The following TRPM7 variants were observed in gnomAD, a reference collection of about 807,000 sequenced individuals.
TRPM7 encodes the protein LTRPC ion channel family member 7.
TRPM7 carries 134 observed loss-of-function variants against 229.7 expected under a neutral mutation model. The ratio of observed to expected loss-of-function variants is 0.58; its 90% CI spans 0.51 to 0.67. TRPM7 has a LOEUF of 0.67. TRPM7 is among the 30% of genes least tolerant of loss of function. TRPM7 has a pLI of 0.00. For missense variants in TRPM7, 1,901 were observed against 2,210.0 expected, an observed-to-expected ratio of 0.86 and a Z score of 2.80; for synonymous variants, 699 against 715.2, an observed-to-expected ratio of 0.98 and a Z score of 0.36.
At chr15:50,593,123 T>C (rs1444409781) in intron 25 of TRPM7, among the ~76,000 whole-genome samples, 2 of 151,948 alleles carry the variant, frequency 1.3e-5, no homozygotes, top group Non-Finnish European at 2.9e-5. Flanking sequence ...ACCCTGTCTC[T>C]ACTAAAAATA....
chr15:50,636,029 T>C (rs1239976269), intron 7 of TRPM7, among the ~76,000 whole-genome samples: 1 of 151,332 alleles, frequency 6.6e-6, no homozygotes, highest in African/African-American at 2.4e-5. Flanking sequence ...ATGACAGAAT[T>C]ACATAACTGG....
chr15:50,651,219 A>C (rs1363025192), intron 3 of TRPM7, among the ~76,000 whole-genome samples: 1 of 151,034 alleles, frequency 6.6e-6, no homozygotes, highest in Non-Finnish European at 1.5e-5. Context: ...TTCAAAGAAT[A>C]CTGAGGCATG....
intron 4 of TRPM7, among the ~76,000 whole-genome samples, chr15:50,644,815 A>G (rs1354179676): frequency 7.0e-6 from 1 of 141,940 alleles, no homozygotes; most frequent in Non-Finnish European, 1.6e-5. Flanking sequence ...AAAAAAAAAA[A>G]AAAAAAAGAA....
At chr15:50,644,178 G>A (rs1457387057) in intron 4 of TRPM7, among the ~76,000 whole-genome samples, 2 of 152,006 alleles carry the variant, frequency 1.3e-5, no homozygotes, top group Admixed American at 1.3e-4. Context: ...CATGGTGTTC[G>A]GATGGATTCT....
chr15:50,628,181 T>A lies in TRPM7; in HGVS notation c.1273A>T (p.Asn425Tyr). ...LAWDRVDIAK[N>Y]HVFVYGQQWL... ...TGCTGTCCATAAACAAATACATGAT[T>A]TTTGGCAATGTCAACTCTATCCCAT... is the stretch of plus-strand genomic sequence containing the variant. The change falls in exon 11 of 39, where the codon AAT (asparagine) becomes TAT (tyrosine). Residue 425 changes from asparagine to tyrosine, a missense_variant. This residue lies in a region of TRPM7 where 794 missense variants were observed against 881.9 expected (regional missense o/e 0.90). Transcript: ENST00000646667. 6.2e-7 allele frequency: 1 copy of A among 1,613,458 alleles called. No individual in the cohort carries two copies. Among genetic ancestry groups the A allele is most frequent in the South Asian group, 1.1e-5 (1 of 91,034 alleles).
chr15:50,669,118 G>T (rs1329026358), intron 1 of TRPM7, among the ~76,000 whole-genome samples: 1 of 152,144 alleles, frequency 6.6e-6, no homozygotes, highest in Non-Finnish European at 1.5e-5. Context: ...AAAGGTATTT[G>T]AGGGTACAAA....
intron 4 of TRPM7, among the ~76,000 whole-genome samples, chr15:50,646,494 G>C (rs184245515): frequency 1.3e-5 from 2 of 152,078 alleles, no homozygotes; most frequent in Non-Finnish European, 2.9e-5. Flanking sequence ...ATGTTGCCCA[G>C]GCTGGTCTCA....
At chr15:50,625,628 T>C (rs913774071) in intron 11 of TRPM7, among the ~76,000 whole-genome samples, 13 of 152,042 alleles carry the variant, frequency 8.6e-5, no homozygotes, top group African/African-American at 1.9e-4. Flanking sequence ...CTCAAACTCC[T>C]GGCCTCAAGT....
chr15:50,666,163 G>A, intron 1 of TRPM7, among the ~76,000 whole-genome samples: 1 of 151,900 alleles, frequency 6.6e-6, no homozygotes. Flanking sequence ...TTGGTTCTTA[G>A]GTTAACAAAA....
At chr15:50,631,526 AT>A (rs1218963773) in intron 9 of TRPM7, 37 bp from the exon 10 acceptor site, 1 of 1,419,690 alleles carries the variant, frequency 7.0e-7, no homozygotes, top group East Asian at 2.3e-5. Context: ...ATGCCTTTAT[AT>A]TTTTAAAACA....
chr15:50,656,499 CT>C (rs75557468), intron 3 of TRPM7, among the ~76,000 whole-genome samples: 17,028 of 133,398 alleles, frequency 0.13, 1,207 homozygotes, highest in Admixed American at 0.25. Flanking sequence ...GTGTGGTTTT[CT>C]TTTTTTTTTT....
chr15:50,679,538 A>ATTTTTTTTTTTTTTTTT (rs58783893), intron 1 of TRPM7, among the ~76,000 whole-genome samples: 1 of 43,900 alleles, frequency 2.3e-5, no homozygotes, highest in African/African-American at 1.1e-4. Flanking sequence ...ATATATATAT[A>ATTTTTTTTTTTTTTTTT]TTTTTTTTTT....
At chr15:50,663,541 T>C (rs549076261) in intron 1 of TRPM7, among the ~76,000 whole-genome samples, 2 of 152,304 alleles carry the variant, frequency 1.3e-5, no homozygotes, top group East Asian at 3.9e-4. Flanking sequence ...TGACCTAGGT[T>C]ATTAAATCAA....
intron 26 of TRPM7, among the ~76,000 whole-genome samples, chr15:50,591,172 C>CA (rs2059482313): frequency 6.6e-6 from 1 of 152,108 alleles, no homozygotes; most frequent in African/African-American, 2.4e-5. Context: ...CTAATTTTCC[C>CA]AGTAGATTCC....
In TRPM7 at chr15:50,574,941, G is replaced by C. The variant is rs746922502; in HGVS notation, c.4930C>G (p.Leu1644Val). The C allele has an allele frequency of 5.0e-6, 8 of 1,614,048 alleles. No homozygotes were observed. Among genetic ancestry groups the C allele is most frequent in the Non-Finnish European group, 5.9e-6 (7 of 1,179,954 alleles). ...GGAAGAAAAGATTTGATAATATAAA[G>C]ATGCCCTGATTTGAGGATATCATGT... Reference protein sequence around the residue: ...SEHDILKSGHLYIIKSFLPEV... With the variant: ...SEHDILKSGHVYIIKSFLPEV... The change falls in exon 34 of 39, where the codon CTT becomes GTT. Residue 1644 changes from leucine to valine, a missense_variant. Leu to Val is a conservative substitution (Grantham distance 32, BLOSUM62 1). Around this residue, in one of 8 missense-constraint regions of TRPM7, gnomAD observed 257 missense variants for 352.0 expected, o/e 0.73. Transcript: ENST00000646667.
At chr15:50,665,435 T>C (rs1054387939) in intron 1 of TRPM7, among the ~76,000 whole-genome samples, 3 of 149,842 alleles carry the variant, frequency 2.0e-5, no homozygotes, top group African/African-American at 7.3e-5. Context: ...GACCATAAAA[T>C]AAGATTCAAC....
In TRPM7 at chr15:50,599,314, C is replaced by T. The variant is rs926486251; in HGVS notation, c.2989-18G>A. 1.3e-6 allele frequency: 2 copies of T among 1,573,410 alleles called. No individual in the cohort carries two copies. Among genetic ancestry groups the T allele is most frequent in the East Asian group, 2.3e-5 (1 of 44,394 alleles). The stretch of plus-strand genomic sequence containing the variant: ...TTGGCCACCTGTTAAAAAATGAACA[C>T]TGTTAAAATACAAGGAAGTTTAAAC... On this transcript the variant is annotated intron_variant, in intron 21 of 38. Transcript: ENST00000646667.
chr15:50,660,519 G>A (rs546815919), intron 2 of TRPM7, among the ~76,000 whole-genome samples: 2 of 152,240 alleles, frequency 1.3e-5, no homozygotes, highest in Non-Finnish European at 2.9e-5. Flanking sequence ...AGTGGGCGTG[G>A]TAGCGCATGC....
intron 1 of TRPM7, among the ~76,000 whole-genome samples, chr15:50,670,040 T>C (rs989561347): frequency 1.3e-5 from 2 of 152,212 alleles, no homozygotes; most frequent in Non-Finnish European, 1.5e-5. Context: ...CTTTCAGATA[T>C]CATGTTTTGT....
Sources: allele counts gnomAD v4.1 joint callset (sites outside exome capture counted in the v4.1 genomes callset), GRCh38; gene constraint gnomAD v4.1.1; regional missense constraint gnomAD v4.1.1; transcripts MANE v1.5; gene names NCBI Gene and HGNC (gene_info 2026-07-23, HGNC 2026-07-21).